ZNF423: variants seen among roughly 807,000 people sequenced by gnomAD.
ZNF423 encodes the protein zinc finger protein 423.
Under a neutral mutation model 95.8 loss-of-function variants are expected in ZNF423, and 12 were observed. That is an observed-to-expected ratio of 0.13 (90% CI 0.08 to 0.20). The LOEUF (loss-of-function observed/expected upper bound fraction) is 0.20, where lower values mean the gene tolerates loss of function less well. Among genes scored for constraint, ZNF423 ranks in the 10% least tolerant of loss-of-function variants. The pLI, the probability that ZNF423 is intolerant of heterozygous loss-of-function variation, is 1.00. For synonymous variants in ZNF423, 749 were observed against 711.9 expected, an observed-to-expected ratio of 1.05 and a Z score of -0.83; for missense variants, 1,316 against 1,737.1, an observed-to-expected ratio of 0.76 and a Z score of 4.31.
At chr16:49,629,977 A>G (rs1972445388) in intron 4 of ZNF423, among the ~76,000 whole-genome samples, 2 of 152,236 alleles carry the variant, frequency 1.3e-5, no homozygotes, top group Non-Finnish European at 2.9e-5. Flanking sequence ...CTGAAGCTGG[A>G]TGCGTCAGGC....
intron 2 of ZNF423, among the ~76,000 whole-genome samples, chr16:49,785,850 T>C (rs1007029754): frequency 2.0e-5 from 3 of 152,256 alleles, no homozygotes; most frequent in Non-Finnish European, 4.4e-5. Context: ...TTCACACCTA[T>C]GGCCTGGCAA....
chr16:49,808,646 C>T (rs1407701659), intron 1 of ZNF423, among the ~76,000 whole-genome samples: 1 of 152,080 alleles, frequency 6.6e-6, no homozygotes, highest in Non-Finnish European at 1.5e-5. Flanking sequence ...AAGGGCAGTG[C>T]TGGGCAGAGG....
chr16:49,501,576 A>C (rs183057877), intron 7 of ZNF423, among the ~76,000 whole-genome samples: 1 of 152,128 alleles, frequency 6.6e-6, no homozygotes, highest in Non-Finnish European at 1.5e-5. Context: ...ACATGAACTC[A>C]TATGTCCACT....
intron 1 of ZNF423, among the ~76,000 whole-genome samples, chr16:49,795,265 A>G (rs2034479892): frequency 6.6e-6 from 1 of 152,108 alleles, no homozygotes; most frequent in East Asian, 1.9e-4. Flanking sequence ...GCAGTGGGCA[A>G]GGCAGCCACA....
intron 5 of ZNF423, among the ~76,000 whole-genome samples, chr16:49,543,333 C>G (rs1045750343): frequency 1.3e-5 from 2 of 152,250 alleles, no homozygotes; most frequent in East Asian, 3.9e-4. Flanking sequence ...CTCAGCCCCC[C>G]AATCCCCACA....
chr16:49,734,350 A>G (rs1438050955), intron 2 of ZNF423, among the ~76,000 whole-genome samples: 1 of 152,232 alleles, frequency 6.6e-6, no homozygotes, highest in Non-Finnish European at 1.5e-5. Flanking sequence ...CCAGAGGCCC[A>G]GCACCTGGCC....
intron 2 of ZNF423, among the ~76,000 whole-genome samples, chr16:49,772,374 T>C (rs1387182705): frequency 1.3e-5 from 2 of 152,258 alleles, no homozygotes; most frequent in African/African-American, 2.4e-5. Flanking sequence ...TGCTCATCTC[T>C]TCCCGAAATA....
chr16:49,753,900 G>A (rs553190439), intron 2 of ZNF423, among the ~76,000 whole-genome samples: 53 of 152,138 alleles, frequency 3.5e-4, no homozygotes, highest in African/African-American at 1.2e-3. Flanking sequence ...GAATGGTGGC[G>A]GGCGCCTGTA....
chr16:49,775,539 C>A (rs1235885024), intron 2 of ZNF423, among the ~76,000 whole-genome samples: 2 of 152,132 alleles, frequency 1.3e-5, no homozygotes, highest in African/African-American at 4.8e-5. Flanking sequence ...TGTCATGTAC[C>A]CTCTCACTTG....
chr16:49,635,705 C>G lies in ZNF423; in HGVS notation c.3471G>C (p.Glu1157Asp), dbSNP rs1287995431. 1 of 1,601,232 alleles carries G rather than the reference C, an allele frequency of 6.2e-7. No individual in the cohort carries two copies. The highest frequency in any genetic ancestry group is 8.5e-7 in the Non-Finnish European group (1 of 1,175,456). The change falls in exon 4 of 8, where the codon GAG becomes GAC. Residue 1157 changes from glutamate to aspartate, a missense_variant. Transcript: ENST00000563137. The surrounding 1 kb of genome is among the most constrained non-coding windows in gnomAD (Gnocchi z 4.8). ...MQVDHRDLTP[E>D]TSGPRKGTQT... is the part of the protein sequence containing the mutation. The stretch of plus-strand genomic sequence containing the variant: ...GGGTGCCTTTCCGGGGCCCACTGGT[C>G]TCCGGCGTGAGGTCACGGTGGTCCA...
At chr16:49,511,825 A>G (rs1198749070) in intron 7 of ZNF423, among the ~76,000 whole-genome samples, 2 of 152,194 alleles carry the variant, frequency 1.3e-5, no homozygotes, top group Non-Finnish European at 1.5e-5. Context: ...CCCTTGCCCC[A>G]CTTGACAGTA....
At chr16:49,816,451 A>G (rs1028368643) in intron 1 of ZNF423, among the ~76,000 whole-genome samples, 1 of 152,158 alleles carries the variant, frequency 6.6e-6, no homozygotes, top group Non-Finnish European at 1.5e-5. Flanking sequence ...TTAGCTACTA[A>G]TTCCTTTTAG....
At chr16:49,658,337 C>T (rs1385854387) in intron 3 of ZNF423, among the ~76,000 whole-genome samples, 1 of 152,100 alleles carries the variant, frequency 6.6e-6, no homozygotes, top group Non-Finnish European at 1.5e-5. Context: ...GCAAGGAGCC[C>T]GGGGCCTGAG....
chr16:49,681,244 T>C (rs1489181100), intron 3 of ZNF423, among the ~76,000 whole-genome samples: 1 of 152,228 alleles, frequency 6.6e-6, no homozygotes, highest in African/African-American at 2.4e-5. Flanking sequence ...AGGTATCTTT[T>C]ATCCTAAGCC....
chr16:49,500,722 C>G lies in ZNF423; in HGVS notation c.3850-9418G>C, dbSNP rs533706605. Among the ~76,000 whole-genome samples the G allele has an allele frequency of 6.6e-5, 10 of 151,616 alleles. No individual in the cohort carries two copies. In the East Asian group the frequency reaches 1.9e-3, roughly 29 times the overall value. On this transcript the variant is annotated intron_variant, in intron 7 of 7. Transcript: ENST00000563137. ...TTGAAGCCAGGAGTTTGAGATCAGC[C>G]TGGGTGAAACCCCATCTCTACGAAA...
intron 7 of ZNF423, among the ~76,000 whole-genome samples, chr16:49,495,433 G>T (rs1369974366): frequency 1.3e-5 from 2 of 152,148 alleles, no homozygotes; most frequent in Admixed American, 1.3e-4. Context: ...CCCTCTCTGT[G>T]CAAATCGTCA....
At chr16:49,585,242 A>C (rs1028841461) in intron 5 of ZNF423, among the ~76,000 whole-genome samples, 14 of 152,180 alleles carry the variant, frequency 9.2e-5, no homozygotes, top group Non-Finnish European at 4.4e-5. Context: ...GATAATAAAG[A>C]GCCGTGGCTG....
chr16:49,560,028 C>A (rs746159), intron 5 of ZNF423, among the ~76,000 whole-genome samples: 2 of 152,098 alleles, frequency 1.3e-5, no homozygotes, highest in Non-Finnish European at 2.9e-5. Flanking sequence ...GTCACAGTAG[C>A]CTGAGAGCAG....
intron 7 of ZNF423, among the ~76,000 whole-genome samples, chr16:49,510,757 T>C (rs1422805372): frequency 6.6e-6 from 1 of 152,152 alleles, no homozygotes; most frequent in African/African-American, 2.4e-5. Flanking sequence ...GTGGAGCCGG[T>C]GAGGCGCCGC....
Sources: allele counts gnomAD v4.1 joint callset (sites outside exome capture counted in the v4.1 genomes callset), GRCh38; gene constraint gnomAD v4.1.1; non-coding constraint Gnocchi (gnomAD v3.1); transcripts MANE v1.5; gene names NCBI Gene and HGNC (gene_info 2026-07-23, HGNC 2026-07-21).